The following ZCCHC14 variants were observed in gnomAD, a reference collection of about 807,000 sequenced individuals.
The protein encoded by ZCCHC14 is zinc finger CCHC-type containing 14.
Under a neutral mutation model 85.0 loss-of-function variants are expected in ZCCHC14, and 16 were observed. The ratio of observed to expected loss-of-function variants is 0.19; its 90% confidence interval spans 0.13 to 0.29. The LOEUF is 0.29. Ranked by LOEUF, ZCCHC14 falls within the 10% of genes least tolerant of loss-of-function variation. The pLI, the probability that ZCCHC14 is intolerant of heterozygous loss-of-function variation, is 1.00. For missense variants in ZCCHC14, 1,303 were observed against 1,443.5 expected (o/e 0.90, Z 1.58); for synonymous variants, 775 against 630.7 (o/e 1.23, Z -3.43).
At chr16:87,466,611 C>A (rs1254055649) in intron 1 of ZCCHC14, among the ~76,000 whole-genome samples, 1 of 144,694 alleles carries the variant, frequency 6.9e-6, no homozygotes, top group Non-Finnish European at 1.5e-5. Flanking sequence ...GACAAATGGG[C>A]TCCTCGAACA....
At chr16:87,423,746 G>A in intron 4 of ZCCHC14, 64 bp downstream of exon 4, 1 of 1,563,678 alleles carries the variant, frequency 6.4e-7, no homozygotes, top group South Asian at 1.1e-5. Context: ...ATTACTCCGT[G>A]GTATCATCAG....
chr16:87,448,067 A>G (rs1020461990), intron 2 of ZCCHC14, among the ~76,000 whole-genome samples: 3 of 152,196 alleles, frequency 2.0e-5, no homozygotes, highest in African/African-American at 7.2e-5. Context: ...ATATATGTGT[A>G]ATCTACTGCT....
chr16:87,457,153 G>A (rs981053790), intron 2 of ZCCHC14, among the ~76,000 whole-genome samples: 2 of 152,206 alleles, frequency 1.3e-5, no homozygotes, highest in African/African-American at 4.8e-5. Context: ...GCCAGGCACT[G>A]GGTACGGGGT....
intron 1 of ZCCHC14, among the ~76,000 whole-genome samples, chr16:87,485,793 T>C (rs1399492162): frequency 1.3e-5 from 2 of 152,150 alleles, no homozygotes; most frequent in African/African-American, 2.4e-5. Flanking sequence ...TTAAGACTCA[T>C]GTAGATTTGT....
chr16:87,438,540 GTAAC>G (rs2150742355), intron 2 of ZCCHC14, among the ~76,000 whole-genome samples: 1 of 152,346 alleles, frequency 6.6e-6, no homozygotes, highest in East Asian at 1.9e-4. Flanking sequence ...TATTCATTGA[GTAAC>G]TAAGGTCAGT....
At chr16:87,446,270 G>C (rs553663966) in intron 2 of ZCCHC14, among the ~76,000 whole-genome samples, 6 of 152,206 alleles carry the variant, frequency 3.9e-5, no homozygotes, top group South Asian at 2.1e-4. Flanking sequence ...GATCACTTGA[G>C]GTCAGAAATT....
Position 87,411,785 on chromosome 16 carries a change from C to T in ZCCHC14, c.2936G>A (p.Gly979Asp). ...CACGACGGGGAAGGTGGAGCCGCCGCCGTACTGCTGGGCGCTGACGTAGCC... is the reference window on the plus strand; with the variant it reads ...CACGACGGGGAAGGTGGAGCCGCCGTCGTACTGCTGGGCGCTGACGTAGCC... ...SSGYVSAQQYGGGSTFPVVHA... is the reference protein window; with the variant it reads ...SSGYVSAQQYDGGSTFPVVHA... Residue 979 changes from glycine to aspartate, a missense_variant, in exon 12 of 13, where the codon GGC becomes GAC. Physicochemically the swap from Gly to Asp is moderately conservative, Grantham distance 94 (BLOSUM62 -1). Transcript: ENST00000671377. The T allele has an allele frequency of 2.5e-6, 4 of 1,611,526 alleles. No individual in the cohort carries two copies. The highest frequency in any genetic ancestry group is 3.4e-6 in the Non-Finnish European group (4 of 1,178,714).
intron 1 of ZCCHC14, among the ~76,000 whole-genome samples, chr16:87,480,454 C>T (rs774720072): frequency 6.6e-6 from 1 of 152,052 alleles, no homozygotes; most frequent in African/African-American, 2.4e-5. Flanking sequence ...TGTTAAAATT[C>T]AAGTTAAACT....
chr16:87,492,290 G>T lies in ZCCHC14; in HGVS notation c.-52C>A, dbSNP rs958816194. ...CGGGGCCGGGGACCGCGCGGGGGCGGCCGGGGGGCGCCGGGGGCCGCGGCC... is the reference window on the plus strand; with the variant it reads ...CGGGGCCGGGGACCGCGCGGGGGCGTCCGGGGGGCGCCGGGGGCCGCGGCC... On this transcript the variant is annotated 5_prime_UTR_variant, in exon 1 of 13. Transcript: ENST00000671377. The surrounding 1 kb of genome is among the most constrained non-coding windows in gnomAD (Gnocchi z 6.7). The T allele has an allele frequency of 1.1e-6, 1 of 934,120 alleles. No homozygotes were observed. The highest frequency in any genetic ancestry group is 1.3e-6 in the Non-Finnish European group (1 of 787,054). The allele number at this position is 934,120 out of a possible 1,614,324, so 57.9% of individuals were successfully genotyped here.
intron 12 of ZCCHC14, 122 bp downstream of exon 12, chr16:87,411,394 C>G (rs773664666): frequency 1.3e-6 from 2 of 1,520,156 alleles, no homozygotes; most frequent in South Asian, 2.6e-5. Flanking sequence ...CACGCGCTTT[C>G]AAAGAGCATT....
intron 2 of ZCCHC14, among the ~76,000 whole-genome samples, chr16:87,457,764 G>A (rs1444332889): frequency 1.3e-5 from 2 of 152,118 alleles, no homozygotes; most frequent in African/African-American, 2.4e-5. Context: ...TTTCTGAAGG[G>A]CAATAACCTG....
chr16:87,490,301 A>G (rs1483490854), intron 1 of ZCCHC14, among the ~76,000 whole-genome samples: 10 of 151,150 alleles, frequency 6.6e-5, no homozygotes, highest in Admixed American at 2.0e-4. Context: ...TCATAAAAGC[A>G]AAGTCTTATC....
chr16:87,413,217 G>A, intron 10 of ZCCHC14, 22 bp from the exon 11 acceptor site: 1 of 1,515,704 alleles, frequency 6.6e-7, no homozygotes, highest in Non-Finnish European at 8.8e-7. Flanking sequence ...GGACAGAGGA[G>A]CAGCCATCAA....
intron 1 of ZCCHC14, among the ~76,000 whole-genome samples, chr16:87,466,507 T>A (rs550939397): frequency 6.6e-6 from 1 of 152,358 alleles, no homozygotes; most frequent in East Asian, 1.9e-4. Flanking sequence ...TGACACCTAC[T>A]GAGCCCTTCT....
intron 6 of ZCCHC14, among the ~76,000 whole-genome samples, chr16:87,419,541 T>C (rs1000488465): frequency 3.9e-5 from 6 of 152,222 alleles, no homozygotes; most frequent in African/African-American, 1.2e-4. Context: ...GACCTCGTGA[T>C]CCACCCGCCT....
At chr16:87,463,859 A>C (rs114309714) in intron 1 of ZCCHC14, among the ~76,000 whole-genome samples, 2,494 of 152,188 alleles carry the variant, frequency 0.016, 66 homozygotes, top group African/African-American at 0.056. Flanking sequence ...CTCTTCTGTC[A>C]CTCAGGCTGG....
chr16:87,429,235 G>T (rs976964531), intron 3 of ZCCHC14, among the ~76,000 whole-genome samples: 5 of 152,232 alleles, frequency 3.3e-5, no homozygotes, highest in African/African-American at 1.2e-4. Context: ...TTCAAGAGGT[G>T]TGCAGTGCCC....
chr16:87,417,938 G>T, intron 7 of ZCCHC14, 196 bp from the exon 8 acceptor site: 1 of 623,956 alleles, frequency 1.6e-6, no homozygotes, highest in Non-Finnish European at 2.7e-6. Flanking sequence ...CTGCAGCTAA[G>T]ATTTCTGTAA....
chr16:87,451,402 T>C (rs537000753), intron 2 of ZCCHC14, among the ~76,000 whole-genome samples: 1 of 151,456 alleles, frequency 6.6e-6, no homozygotes, highest in South Asian at 2.1e-4. Flanking sequence ...TTCACCATGT[T>C]GATCAGACTG....
Sources: gnomAD v4.1 joint callset for allele counts (sites outside exome capture counted in the v4.1 genomes callset) on GRCh38, gnomAD v4.1.1 for gene constraint, Gnocchi (gnomAD v3.1) non-coding constraint, MANE v1.5 for transcripts, NCBI Gene and HGNC (gene_info 2026-07-23, HGNC 2026-07-21) for gene names.